Variants in UBE2E2 observed in about 807,000 individuals in gnomAD.
UBE2E2 encodes ubiquitin conjugating enzyme E2 E2.
A neutral mutation model predicts 24.7 loss-of-function variants in UBE2E2; 6 were observed. The ratio of observed to expected loss-of-function variants is 0.24; its 90% CI spans 0.13 to 0.48. UBE2E2 has a LOEUF of 0.48. UBE2E2 is among the 20% of genes least tolerant of loss of function. The pLI, the probability that UBE2E2 is intolerant of heterozygous loss-of-function variation, is 0.99. For missense variants in UBE2E2, 169 were observed against 245.0 expected, an observed-to-expected ratio of 0.69 and a Z score of 2.07; for synonymous variants, 104 against 83.6, an observed-to-expected ratio of 1.24 and a Z score of -1.33.
At chr3:23,218,631 A>G (rs951831956) in intron 3 of UBE2E2, among the ~76,000 whole-genome samples, 1 of 152,094 alleles carries the variant, frequency 6.6e-6, no homozygotes, top group Non-Finnish European at 1.5e-5. Context: ...ACTGATAAAT[A>G]AGTGAACTTT....
At chr3:23,450,884 C>G (rs879742607) in intron 3 of UBE2E2, among the ~76,000 whole-genome samples, 1 of 152,112 alleles carries the variant, frequency 6.6e-6, no homozygotes, top group South Asian at 2.1e-4. Context: ...ATGGTATTTA[C>G]AAGTTTCAAA....
At chr3:23,270,088 AG>A in intron 3 of UBE2E2, among the ~76,000 whole-genome samples, 1 of 150,534 alleles carries the variant, frequency 6.6e-6, no homozygotes, top group East Asian at 2.0e-4. Context: ...AGCAGCAATG[AG>A]CTAGGCAGGT....
rs754206838 is a variant in UBE2E2, at chr3:23,217,243, C to G, written c.177-19C>G. On this transcript the variant is annotated intron_variant, in intron 2 of 5. Coordinates refer to ENST00000396703, the MANE Select transcript of UBE2E2 (RefSeq NM_152653.4). ...GTGAAGATATTTTTAACATAATGTT[C>G]TTTGTCTTTATTTTAAAGAATTCAG... 3.1e-6 allele frequency: 5 copies of G among 1,605,416 alleles called. No homozygotes were observed. The Admixed American group carries it at 8.4e-5, about 27-fold the overall frequency.
intron 3 of UBE2E2, among the ~76,000 whole-genome samples, chr3:23,442,651 C>A (rs1263875636): frequency 1.3e-5 from 2 of 152,072 alleles, no homozygotes; most frequent in Non-Finnish European, 2.9e-5. Flanking sequence ...TTTTTGATGT[C>A]AGAGCGTTTT....
intron 1 of UBE2E2, among the ~76,000 whole-genome samples, chr3:23,204,219 A>G (rs187612545): frequency 6.9e-6 from 1 of 144,212 alleles, no homozygotes; most frequent in East Asian, 2.1e-4. Flanking sequence ...ATTTCTAATG[A>G]AGATAAAGCG....
At chr3:23,244,635 C>T (rs1486849940) in intron 3 of UBE2E2, among the ~76,000 whole-genome samples, 2 of 151,902 alleles carry the variant, frequency 1.3e-5, no homozygotes, top group Admixed American at 6.6e-5. Context: ...TGTAATAATG[C>T]CTTTATTGGG....
At chr3:23,568,100 C>A (rs1316813096) in intron 5 of UBE2E2, among the ~76,000 whole-genome samples, 6 of 152,214 alleles carry the variant, frequency 3.9e-5, no homozygotes, top group Non-Finnish European at 8.8e-5. Context: ...CACAGTTTTT[C>A]CACAGTCAAA....
intron 3 of UBE2E2, among the ~76,000 whole-genome samples, chr3:23,307,271 C>T (rs182520140): frequency 6.6e-6 from 1 of 152,130 alleles, no homozygotes; most frequent in African/African-American, 2.4e-5. Flanking sequence ...CTTCCTCCCT[C>T]TGTATAGTCA....
chr3:23,501,729 T>C (rs1429690535), intron 4 of UBE2E2, among the ~76,000 whole-genome samples: 3 of 152,162 alleles, frequency 2.0e-5, no homozygotes, highest in Non-Finnish European at 2.9e-5. Flanking sequence ...ATTTCAGTTT[T>C]CTCTGAGGGA....
At chr3:23,573,012 C>T (rs1230497055) in intron 5 of UBE2E2, among the ~76,000 whole-genome samples, 12 of 151,838 alleles carry the variant, frequency 7.9e-5, no homozygotes, top group Admixed American at 7.2e-4. Context: ...AAGTATTAAT[C>T]TCATCAAGAT....
At position 23,258,924 on chromosome 3, in the gene UBE2E2, A is replaced by AG. The variant is rs1491255335; in HGVS notation, c.227+41613dup. Among the ~76,000 whole-genome samples, 285 of 145,342 alleles carry AG rather than the reference A, an allele frequency of 2.0e-3. 1 individual carries two copies. In the Middle Eastern group the frequency reaches 0.055, roughly 28 times the overall value. ...AGAAAAAAAAAAAAAAAAAAAAAAAAGATTCTAACCCCAGGAAAGGAGAAG... is the reference window on the plus strand; with the variant it reads ...AGAAAAAAAAAAAAAAAAAAAAAAAAGGATTCTAACCCCAGGAAAGGAGAAG... On this transcript the variant is annotated intron_variant, in intron 3 of 5. Coordinates refer to ENST00000396703, the MANE Select transcript of UBE2E2 (RefSeq NM_152653.4).
intron 3 of UBE2E2, among the ~76,000 whole-genome samples, chr3:23,395,586 G>A (rs554090239): frequency 6.6e-6 from 1 of 152,198 alleles, no homozygotes; most frequent in South Asian, 2.1e-4. Context: ...CTGGTTTGTT[G>A]ACTCCTCACC....
intron 3 of UBE2E2, among the ~76,000 whole-genome samples, chr3:23,454,561 G>A (rs1395016805): frequency 6.6e-6 from 1 of 152,156 alleles, no homozygotes; most frequent in Non-Finnish European, 1.5e-5. Flanking sequence ...GAGAAGTTTT[G>A]CTTACAGTAC....
chr3:23,454,553 G>A (rs1014650133), intron 3 of UBE2E2, among the ~76,000 whole-genome samples: 2 of 152,196 alleles, frequency 1.3e-5, no homozygotes, highest in Non-Finnish European at 2.9e-5. Flanking sequence ...AAAGCTAAGA[G>A]AAGTTTTGCT....
intron 3 of UBE2E2, among the ~76,000 whole-genome samples, chr3:23,403,590 G>A (rs1254927618): frequency 1.3e-5 from 2 of 152,158 alleles, no homozygotes; most frequent in Non-Finnish European, 2.9e-5. Context: ...GGAGGCCAAG[G>A]CGAGTGGATC....
At chr3:23,267,644 C>G (rs1292281147) in intron 3 of UBE2E2, among the ~76,000 whole-genome samples, 1 of 151,994 alleles carries the variant, frequency 6.6e-6, no homozygotes, top group Non-Finnish European at 1.5e-5. Context: ...GAACTGGTAC[C>G]ATTCCTTCTG....
At chr3:23,429,217 A>T (rs548590687) in intron 3 of UBE2E2, among the ~76,000 whole-genome samples, 51 of 152,294 alleles carry the variant, frequency 3.3e-4, no homozygotes, top group Admixed American at 3.3e-3. Flanking sequence ...TTAAAGAAGA[A>T]ATTATACCAA....
intron 5 of UBE2E2, among the ~76,000 whole-genome samples, chr3:23,554,168 A>G (rs887913504): frequency 2.0e-5 from 3 of 152,236 alleles, no homozygotes; most frequent in Non-Finnish European, 4.4e-5. Flanking sequence ...TAGCTATAGT[A>G]ATCAAAACAG....
intron 5 of UBE2E2, among the ~76,000 whole-genome samples, chr3:23,542,796 A>G (rs1360869263): frequency 6.6e-6 from 1 of 152,174 alleles, no homozygotes; most frequent in Non-Finnish European, 1.5e-5. Context: ...CCAGCAAAGT[A>G]TATTTGTCAG....
Sources: gnomAD v4.1 joint callset for allele counts (sites outside exome capture counted in the v4.1 genomes callset) on GRCh38, gnomAD v4.1.1 for gene constraint, MANE v1.5 for transcripts, NCBI Gene and HGNC (gene_info 2026-07-23, HGNC 2026-07-21) for gene names.